CHIA: variants seen among roughly 807,000 people sequenced by gnomAD.
CHIA encodes the protein acidic mammalian chitinase.
CHIA carries 47 observed loss-of-function variants against 53.5 expected under a neutral mutation model. The observed-to-expected ratio is 0.88, with a 90% CI of 0.70 to 1.12. CHIA has a LOEUF of 1.12. CHIA is among the 50% of genes most tolerant of loss of function. The pLI, the probability that CHIA is intolerant of heterozygous loss-of-function variation, is 0.00. For missense variants in CHIA, 652 were observed against 592.2 expected, an observed-to-expected ratio of 1.10 and a Z score of -1.05; for synonymous variants, 268 against 222.2, an observed-to-expected ratio of 1.21 and a Z score of -1.83.
rs775564129 is a variant in CHIA at position 111,318,687 on chromosome 1, A to T, written c.915+9A>T. The T allele has an allele frequency of 1.4e-5, 23 of 1,609,186 alleles. No homozygotes were observed. The Admixed American group carries it at 2.0e-4, about 14-fold the overall frequency. ...TCTGGGCTTACTACGAGGTATGTAG[A>T]TTGGACTGAAAAGTGCTCTGTGAAT... On this transcript the variant is annotated intron_variant, in intron 9 of 11. Coordinates refer to ENST00000369740, the MANE Select transcript of CHIA (RefSeq NM_201653.4).
At chr1:111,307,918 A>C (rs1648325894) in intron 1 of CHIA, among the ~76,000 whole-genome samples, 1 of 152,214 alleles carries the variant, frequency 6.6e-6, no homozygotes, top group Non-Finnish European at 1.5e-5. Flanking sequence ...CTGGGATTAC[A>C]GGTGTGAGCC....
At chr1:111,297,505 C>T (rs934161931) in intron 1 of CHIA, among the ~76,000 whole-genome samples, 1 of 152,026 alleles carries the variant, frequency 6.6e-6, no homozygotes, top group Non-Finnish European at 1.5e-5. Context: ...AAATAAAATC[C>T]TTCACAGACA....
At chr1:111,313,419 A>G (rs1449454991) in intron 4 of CHIA, among the ~76,000 whole-genome samples, 3 of 152,004 alleles carry the variant, frequency 2.0e-5, no homozygotes, top group Non-Finnish European at 1.5e-5. Context: ...AGCATTTTTT[A>G]TACACTTGTT....
chr1:111,294,409 AC>A (rs1445332629), intron 1 of CHIA, among the ~76,000 whole-genome samples: 3 of 151,978 alleles, frequency 2.0e-5, no homozygotes, highest in Non-Finnish European at 4.4e-5. Context: ...TGACTTTGTA[AC>A]CTGTTATTTT....
At chr1:111,299,046 G>A (rs750625429) in intron 1 of CHIA, among the ~76,000 whole-genome samples, 1 of 151,988 alleles carries the variant, frequency 6.6e-6, no homozygotes, top group Admixed American at 6.6e-5. Context: ...AGGAAGAAGT[G>A]GAATCTCTGA....
At chr1:111,311,746 T>C (rs767452447) in intron 3 of CHIA, 28 bp downstream of exon 3, 10 of 1,607,070 alleles carry the variant, frequency 6.2e-6, no homozygotes, top group Admixed American at 5.0e-5. Flanking sequence ...TGTTTTATCA[T>C]TGAATGTATA....
Position 111,315,485 on chromosome 1 carries a change from T to C in CHIA, c.480+50T>C, listed in dbSNP as rs116819811. The C allele has an allele frequency of 1.3e-3, 2,099 of 1,576,736 alleles. 23 individuals are homozygous for C. The African/African-American group carries it at 0.022, about 17-fold the overall frequency. ...AGCCCAAAAAGATTCAAAGTCTTTC[T>C]TTCCGAGGAGAATTGGGTGGCTCTA... is the stretch of plus-strand genomic sequence containing the variant. On this transcript the variant is annotated intron_variant, in intron 6 of 11. Coordinates refer to ENST00000369740, the MANE Select transcript of CHIA (RefSeq NM_201653.4).
At chr1:111,292,385 A>C (rs1661077526) in intron 1 of CHIA, among the ~76,000 whole-genome samples, 1 of 152,170 alleles carries the variant, frequency 6.6e-6, no homozygotes, top group African/African-American at 2.4e-5. Flanking sequence ...GACCATGCTG[A>C]TATTCTGTTC....
At chr1:111,300,389 G>C (rs1173269362) in intron 1 of CHIA, among the ~76,000 whole-genome samples, 1 of 152,134 alleles carries the variant, frequency 6.6e-6, no homozygotes, top group Non-Finnish European at 1.5e-5. Flanking sequence ...CAGATATATA[G>C]ACCAATGGAA....
At chr1:111,320,103 C>T in intron 11 of CHIA, 110 bp from the exon 12 acceptor site, 1 of 929,014 alleles carries the variant, frequency 1.1e-6, no homozygotes, top group Non-Finnish European at 1.7e-6. Flanking sequence ...GATCCAGAGC[C>T]AACTGCACCC....
At chr1:111,316,361 T>A (rs889771668) in intron 6 of CHIA, 4 of 154,288 alleles carry the variant, frequency 2.6e-5, no homozygotes, top group African/African-American at 9.7e-5. Context: ...TGAGAAGTCA[T>A]GGATAGAATT....
At position 111,315,312 on chromosome 1, in the gene CHIA, C is replaced by G. The variant is rs1649063132; in HGVS notation, c.357C>G (p.Phe119Leu). The change falls in exon 6 of 12, where the codon TTC (phenylalanine) becomes TTG (leucine). Residue 119 changes from phenylalanine to leucine, a missense_variant. Coordinates refer to ENST00000369740, the MANE Select transcript of CHIA (RefSeq NM_201653.4). ...MVSTPENRQT[F>L]ITSVIKFLRQ... is the part of the protein sequence containing the mutation. Reference sequence around the variant, plus strand: ...CTACTCCTGAGAACCGCCAGACTTTCATCACCTCAGTCATCAAATTCCTGC... The same window carrying G: ...CTACTCCTGAGAACCGCCAGACTTTGATCACCTCAGTCATCAAATTCCTGC... 6.2e-7 allele frequency: 1 copy of G among 1,613,200 alleles called. No homozygotes were observed. Among genetic ancestry groups the G allele is most frequent in the Middle Eastern group, 1.9e-4 (1 of 5,378 alleles).
chr1:111,302,913 G>C (rs1329886536), intron 1 of CHIA, among the ~76,000 whole-genome samples: 1 of 151,818 alleles, frequency 6.6e-6, no homozygotes, highest in Non-Finnish European at 1.5e-5. Flanking sequence ...GTCAGTTTTT[G>C]CTTCATATAT....
intron 4 of CHIA, among the ~76,000 whole-genome samples, chr1:111,313,384 A>T (rs917849728): frequency 6.6e-6 from 1 of 152,124 alleles, no homozygotes; most frequent in African/African-American, 2.4e-5. Context: ...TTTGATATGT[A>T]TTTCTCTGAT....
chr1:111,291,693 G>A (rs910922524), intron 1 of CHIA, among the ~76,000 whole-genome samples: 11 of 151,696 alleles, frequency 7.3e-5, no homozygotes, highest in South Asian at 2.1e-4. Context: ...TTAAAAAGGG[G>A]GGAAAAATAT....
At chr1:111,298,623 C>A (rs2101609183) in intron 1 of CHIA, among the ~76,000 whole-genome samples, 1 of 152,212 alleles carries the variant, frequency 6.6e-6, no homozygotes, top group East Asian at 1.9e-4. Context: ...TAAATGCCCA[C>A]AAGAGAAAGC....
chr1:111,314,694 G>T, intron 5 of CHIA, 98 bp downstream of exon 5: 5 of 803,320 alleles, frequency 6.2e-6, no homozygotes, highest in South Asian at 1.5e-5. Flanking sequence ...CTAAGACAGG[G>T]TATTGAGGAT....
At chr1:111,301,402 A>T (rs1647717630) in intron 1 of CHIA, among the ~76,000 whole-genome samples, 1 of 152,156 alleles carries the variant, frequency 6.6e-6, no homozygotes, top group Non-Finnish European at 1.5e-5. Context: ...ATGCAGCCAT[A>T]AAAAAGGATG....
At position 111,317,665 on chromosome 1, in the gene CHIA, C is replaced by T. The variant is rs1282211257; in HGVS notation, c.481-16C>T. 1.2e-6 allele frequency: 2 copies of T among 1,613,950 alleles called. No individual in the cohort carries two copies. Among genetic ancestry groups the T allele is most frequent in the South Asian group, 2.2e-5 (2 of 91,070 alleles). ...TCAGCATCATAGATGTCCTATTATG[C>T]CTTATTATTCTGTAGGAAATGCGTG... On this transcript the variant is annotated splice_polypyrimidine_tract_variant and intron_variant, in intron 6 of 11. Coordinates refer to ENST00000369740, the MANE Select transcript of CHIA (RefSeq NM_201653.4).
Sources: allele counts gnomAD v4.1 joint callset (sites outside exome capture counted in the v4.1 genomes callset), GRCh38; gene constraint gnomAD v4.1.1; transcripts MANE v1.5; gene names NCBI Gene and HGNC (gene_info 2026-07-23, HGNC 2026-07-21).